PCDHA2: variants seen among roughly 807,000 people sequenced by gnomAD.
The protein encoded by PCDHA2 is protocadherin alpha 2, also known as protocadherin alpha-2.
A neutral mutation model predicts 66.0 loss-of-function variants in PCDHA2; 58 were observed. The observed-to-expected ratio is 0.88, with a 90% CI of 0.71 to 1.09. PCDHA2 has a LOEUF of 1.09. Ranked by LOEUF, PCDHA2 falls within the 50% of genes least tolerant of loss-of-function variation. The probability of loss-of-function intolerance (pLI) is 0.00; values close to 1 mark genes in which losing one functional copy is unlikely to be tolerated. For missense variants in PCDHA2, 1,267 were observed against 1,242.3 expected (o/e 1.02, Z -0.30); for synonymous variants, 634 against 554.0 (o/e 1.14, Z -2.03).
chr5:140,998,646 C>A (rs1413467899), intron 3 of PCDHA2, among the ~76,000 whole-genome samples: 1 of 151,870 alleles, frequency 6.6e-6, no homozygotes, highest in Non-Finnish European at 1.5e-5. Context: ...CTCACTGCAA[C>A]CTCTGCCTCC....
At chr5:140,808,139 A>G (rs782764384) in intron 1 of PCDHA2, 1 of 1,614,144 alleles carries the variant, frequency 6.2e-7, no homozygotes, top group South Asian at 1.1e-5. Flanking sequence ...ATCCTATGAA[A>G]TTATTGTAGA....
At chr5:140,904,949 T>A (rs2071498656) in intron 1 of PCDHA2, among the ~76,000 whole-genome samples, 1 of 152,228 alleles carries the variant, frequency 6.6e-6, no homozygotes, top group South Asian at 2.1e-4. Flanking sequence ...TAGTCCTTTG[T>A]CTGATGCAGA....
intron 1 of PCDHA2, chr5:140,822,945 C>T: frequency 6.2e-7 from 1 of 1,614,252 alleles, no homozygotes; most frequent in Non-Finnish European, 8.5e-7. Flanking sequence ...CCCTAATGCC[C>T]CACGTTCCCT....
At chr5:140,833,888 A>G (rs1308828787) in intron 1 of PCDHA2, among the ~76,000 whole-genome samples, 1 of 152,208 alleles carries the variant, frequency 6.6e-6, no homozygotes, top group Non-Finnish European at 1.5e-5. Context: ...CCTGGGATCT[A>G]GATCAAAGGA....
intron 1 of PCDHA2, chr5:140,852,356 C>A: frequency 4.8e-6 from 1 of 206,680 alleles, no homozygotes; most frequent in Non-Finnish European, 9.4e-6. Flanking sequence ...TGGCTCACTG[C>A]AACGTCTGCC....
chr5:140,880,528 A>T lies in PCDHA2; in HGVS notation c.2388+83176A>T, dbSNP rs539592135. ...GTTTGGTCACATCTCTCAATGTGTGAATCATCTGAAAGTGAACTGATGGAA... is the reference window on the plus strand; with the variant it reads ...GTTTGGTCACATCTCTCAATGTGTGTATCATCTGAAAGTGAACTGATGGAA... On this transcript the variant is annotated intron_variant, in intron 1 of 3. Coordinates refer to ENST00000526136, the MANE Select transcript of PCDHA2 (RefSeq NM_018905.3). 7.9e-5 allele frequency among the ~76,000 whole-genome samples: 12 copies of T among 152,354 alleles called. No homozygotes were observed. The East Asian group carries it at 2.3e-3, about 29-fold the overall frequency.
chr5:140,987,811 CTT>C (rs1444999429), intron 3 of PCDHA2, among the ~76,000 whole-genome samples: 7 of 152,218 alleles, frequency 4.6e-5, no homozygotes, highest in African/African-American at 1.7e-4. Flanking sequence ...GTGCCTGTCT[CTT>C]TGTTTCCTTA....
intron 1 of PCDHA2, chr5:140,803,353 C>G (rs1481348508): frequency 6.2e-7 from 1 of 1,614,198 alleles, no homozygotes; most frequent in Non-Finnish European, 8.5e-7. Context: ...CTGCTATATA[C>G]TGCTCTGCGG....
chr5:140,848,313 C>G lies in PCDHA2; in HGVS notation c.2388+50961C>G, dbSNP rs1781433977. ...TGGGCCACGTGATGTCACTCTTTGCCGCGATGTTCTCTCTGAATCCAGACA... is the reference window on the plus strand; with the variant it reads ...TGGGCCACGTGATGTCACTCTTTGCGGCGATGTTCTCTCTGAATCCAGACA... On this transcript the variant is annotated intron_variant, in intron 1 of 3. Transcript: ENST00000526136. 8 of 730,624 alleles carry G rather than the reference C, an allele frequency of 1.1e-5. 1 individual carries two copies. Among genetic ancestry groups the G allele is most frequent in the Non-Finnish European group, 1.8e-5 (8 of 440,500 alleles). The allele number at this position is 730,624 out of a possible 1,614,324, so 45.3% of individuals were successfully genotyped here.
At chr5:140,800,150 G>A (rs569709959) in intron 1 of PCDHA2, among the ~76,000 whole-genome samples, 10 of 152,048 alleles carry the variant, frequency 6.6e-5, no homozygotes, top group Non-Finnish European at 1.3e-4. Context: ...AGTATATACA[G>A]GTAAATTCAA....
intron 1 of PCDHA2, among the ~76,000 whole-genome samples, chr5:140,914,530 C>T (rs1305035760): frequency 1.3e-5 from 2 of 152,096 alleles, no homozygotes; most frequent in African/African-American, 2.4e-5. Flanking sequence ...ATCCATTCAG[C>T]CACTTTATTT....
intron 1 of PCDHA2, chr5:140,823,118 A>T: frequency 6.2e-7 from 1 of 1,614,030 alleles, no homozygotes; most frequent in Non-Finnish European, 8.5e-7. Flanking sequence ...GCCGACGTGA[A>T]CGACAACGCT....
In PCDHA2 at chr5:140,851,667, T is replaced by A. The variant is rs628871; in HGVS notation, c.2388+54315T>A. 6.8e-5 allele frequency: 62 copies of A among 912,304 alleles called. 4 individuals carry two copies. Among genetic ancestry groups the A allele is most frequent in the Non-Finnish European group, 7.9e-5 (59 of 749,702 alleles). 56.5% of individuals were successfully genotyped at this position (912,304 alleles called of 1,614,324 possible). A position where few individuals can be genotyped will look rare whatever the true frequency, so the allele number is the denominator to read the frequency against. ...TTCAAGAAGACATTCTCCTTTTAAT[T>A]GAAATTTTCTCCATTCAGTGATAAA... is the stretch of plus-strand genomic sequence containing the variant. On this transcript the variant is annotated intron_variant, in intron 1 of 3. Coordinates refer to ENST00000526136, the MANE Select transcript of PCDHA2 (RefSeq NM_018905.3).
Position 140,884,585 on chromosome 5 carries a change from A to G in PCDHA2, c.2388+87233A>G, listed in dbSNP as rs2060279044. 1.9e-6 allele frequency: 3 copies of G among 1,614,072 alleles called. No individual in the cohort carries two copies. The South Asian group carries it at 3.3e-5, about 18-fold the overall frequency. On this transcript the variant is annotated intron_variant, in intron 1 of 3. Coordinates refer to ENST00000526136, the MANE Select transcript of PCDHA2 (RefSeq NM_018905.3). ...GCATAAGACGGACCTCATGGCCTTC[A>G]GTCCCAGCCTTCCTCCTTGTCTGGG...
At chr5:140,905,880 A>G (rs1485985374) in intron 1 of PCDHA2, among the ~76,000 whole-genome samples, 4 of 152,172 alleles carry the variant, frequency 2.6e-5, no homozygotes, top group Non-Finnish European at 1.5e-5. Flanking sequence ...AGGCCCAACA[A>G]TAGGCCATCT....
chr5:140,878,622 T>A (rs1163171601), intron 1 of PCDHA2, among the ~76,000 whole-genome samples: 1 of 152,244 alleles, frequency 6.6e-6, no homozygotes, highest in African/African-American at 2.4e-5. Flanking sequence ...GCATTTTACA[T>A]ATTTTAACTT....
At chr5:141,005,650 C>T (rs1262025643) in intron 3 of PCDHA2, among the ~76,000 whole-genome samples, 4 of 126,784 alleles carry the variant, frequency 3.2e-5, no homozygotes, top group African/African-American at 9.3e-5. Context: ...TGCAGTGAGT[C>T]GAGATCGCGC....
At chr5:140,996,200 A>G (rs1338736394) in intron 3 of PCDHA2, among the ~76,000 whole-genome samples, 1 of 152,236 alleles carries the variant, frequency 6.6e-6, no homozygotes, top group South Asian at 2.1e-4. Flanking sequence ...CCCTCAATGC[A>G]AGGATATCAC....
intron 1 of PCDHA2, among the ~76,000 whole-genome samples, chr5:140,919,657 A>G (rs1341455821): frequency 3.9e-5 from 6 of 152,258 alleles, no homozygotes; most frequent in Non-Finnish European, 8.8e-5. Flanking sequence ...AGTTTACCAT[A>G]TATATTTTAG....
Sources: gnomAD v4.1 joint callset for allele counts (sites outside exome capture counted in the v4.1 genomes callset) on GRCh38, gnomAD v4.1.1 for gene constraint, MANE v1.5 for transcripts, NCBI Gene and HGNC (gene_info 2026-07-23, HGNC 2026-07-21) for gene names.